Variants in CNTNAP2 observed in about 807,000 individuals in gnomAD.
The protein encoded by CNTNAP2 is contactin-associated protein-like 2.
CNTNAP2 carries 98 observed loss-of-function variants against 155.2 expected under a neutral mutation model. The ratio of observed to expected loss-of-function variants is 0.63; its 90% confidence interval spans 0.54 to 0.75. The LOEUF is 0.75. CNTNAP2 is among the 30% of genes least tolerant of loss of function. The pLI is 0.00. For missense variants in CNTNAP2, 1,727 were observed against 1,688.1 expected, an observed-to-expected ratio of 1.02 and a Z score of -0.40; for synonymous variants, 651 against 631.2, an observed-to-expected ratio of 1.03 and a Z score of -0.47.
chr7:148,067,064 G>A (rs1276130032), intron 15 of CNTNAP2, among the ~76,000 whole-genome samples: 3 of 152,110 alleles, frequency 2.0e-5, no homozygotes, highest in Non-Finnish European at 2.9e-5. Context: ...GCCTCCTTGA[G>A]TATCTTAATA....
chr7:147,813,701 C>T (rs1054695626), intron 13 of CNTNAP2, among the ~76,000 whole-genome samples: 1 of 152,214 alleles, frequency 6.6e-6, no homozygotes, highest in Non-Finnish European at 1.5e-5. Context: ...ATATTACTCA[C>T]TGAACAGATG....
intron 5 of CNTNAP2, among the ~76,000 whole-genome samples, chr7:147,117,587 G>T (rs2129281941): frequency 6.6e-6 from 1 of 152,192 alleles, no homozygotes; most frequent in African/African-American, 2.4e-5. Flanking sequence ...CTTCTCATCA[G>T]CCATCTTGGC....
At chr7:146,763,357 C>G (rs1802138279) in intron 1 of CNTNAP2, among the ~76,000 whole-genome samples, 1 of 152,090 alleles carries the variant, frequency 6.6e-6, no homozygotes, top group Non-Finnish European at 1.5e-5. Context: ...CTTCTGAAAC[C>G]TCTAATTTCA....
intron 1 of CNTNAP2, among the ~76,000 whole-genome samples, chr7:146,506,981 T>C (rs1047502541): frequency 6.6e-6 from 1 of 152,114 alleles, no homozygotes; most frequent in African/African-American, 2.4e-5. Context: ...TTATCTTGCA[T>C]CAGGACTACA....
At chr7:147,909,018 C>G (rs1800014741) in intron 14 of CNTNAP2, among the ~76,000 whole-genome samples, 1 of 152,142 alleles carries the variant, frequency 6.6e-6, no homozygotes, top group African/African-American at 2.4e-5. Flanking sequence ...TTTAAAATTA[C>G]AGTGTGATAT....
At chr7:146,899,598 C>T (rs974327722) in intron 3 of CNTNAP2, among the ~76,000 whole-genome samples, 1 of 152,124 alleles carries the variant, frequency 6.6e-6, no homozygotes, top group Admixed American at 6.6e-5. Context: ...GGTGTCATGG[C>T]AGAGAATGCA....
At chr7:148,338,476 C>T (rs558858990) in intron 21 of CNTNAP2, among the ~76,000 whole-genome samples, 3 of 150,008 alleles carry the variant, frequency 2.0e-5, no homozygotes, top group African/African-American at 2.4e-5. Context: ...TCTTCCCTCC[C>T]CCCACCCCGA....
intron 1 of CNTNAP2, among the ~76,000 whole-genome samples, chr7:146,130,753 A>T (rs1471378871): frequency 2.6e-5 from 4 of 152,158 alleles, no homozygotes; most frequent in African/African-American, 7.2e-5. Flanking sequence ...ACAGTTCTGC[A>T]TGGCTGGGGA....
intron 1 of CNTNAP2, among the ~76,000 whole-genome samples, chr7:146,620,749 T>C (rs1799303805): frequency 6.6e-6 from 1 of 152,182 alleles, no homozygotes; most frequent in Non-Finnish European, 1.5e-5. Context: ...TGAGAGAATT[T>C]TGAAAATGGT....
intron 13 of CNTNAP2, among the ~76,000 whole-genome samples, chr7:147,842,395 C>T (rs894901232): frequency 6.6e-6 from 1 of 152,156 alleles, no homozygotes; most frequent in Non-Finnish European, 1.5e-5. Flanking sequence ...TTTATTTCCA[C>T]ATATTCTATG....
intron 11 of CNTNAP2, among the ~76,000 whole-genome samples, chr7:147,541,338 T>C (rs1407908992): frequency 6.6e-6 from 1 of 152,166 alleles, no homozygotes; most frequent in Non-Finnish European, 1.5e-5. Context: ...CTTTCCTCCT[T>C]TGAAAATGGA....
intron 13 of CNTNAP2, among the ~76,000 whole-genome samples, chr7:147,678,817 G>A (rs1357162307): frequency 1.3e-5 from 2 of 151,790 alleles, no homozygotes; most frequent in African/African-American, 4.8e-5. Flanking sequence ...AGGTGGGAGT[G>A]GGAATGACTT....
chr7:147,962,822 G>A (rs1356972010), intron 14 of CNTNAP2, among the ~76,000 whole-genome samples: 1 of 152,112 alleles, frequency 6.6e-6, no homozygotes, highest in East Asian at 1.9e-4. Flanking sequence ...TAGGGAACTT[G>A]CCCAACATAC....
intron 12 of CNTNAP2, among the ~76,000 whole-genome samples, chr7:147,584,949 G>A (rs1263873469): frequency 6.6e-6 from 1 of 152,114 alleles, no homozygotes; most frequent in Admixed American, 6.5e-5. Flanking sequence ...ATGCGGCCAG[G>A]ACAGACGTTG....
At chr7:146,775,225 A>C (rs926989449) in intron 2 of CNTNAP2, among the ~76,000 whole-genome samples, 2 of 152,144 alleles carry the variant, frequency 1.3e-5, no homozygotes, top group African/African-American at 4.8e-5. Context: ...AAGATGAATA[A>C]GTTTTGGATA....
intron 2 of CNTNAP2, among the ~76,000 whole-genome samples, chr7:146,812,152 T>C (rs193116679): frequency 6.6e-6 from 1 of 152,214 alleles, no homozygotes; most frequent in East Asian, 1.9e-4. Flanking sequence ...TTTAGAGGGC[T>C]CAGAAGAAGA....
chr7:148,388,719 G>A (rs1426762259), intron 22 of CNTNAP2, among the ~76,000 whole-genome samples: 1 of 152,118 alleles, frequency 6.6e-6, no homozygotes, highest in Non-Finnish European at 1.5e-5. Context: ...TGGTGTGGTT[G>A]TCCTTTCTGT....
intron 21 of CNTNAP2, among the ~76,000 whole-genome samples, chr7:148,358,476 T>A (rs1390205361): frequency 6.6e-6 from 1 of 152,030 alleles, no homozygotes; most frequent in Non-Finnish European, 1.5e-5. Flanking sequence ...GGCTTTTGGG[T>A]GAGTGAGGAT....
intron 13 of CNTNAP2, among the ~76,000 whole-genome samples, chr7:147,795,610 C>G (rs1357660300): frequency 6.6e-6 from 1 of 152,092 alleles, no homozygotes; most frequent in East Asian, 1.9e-4. Flanking sequence ...TTTCATAATA[C>G]TTTTCTACCC....
Sources: allele counts gnomAD v4.1 joint callset (sites outside exome capture counted in the v4.1 genomes callset), GRCh38; gene constraint gnomAD v4.1.1; transcripts MANE v1.5; gene names NCBI Gene and HGNC (gene_info 2026-07-23, HGNC 2026-07-21).